The following COL24A1 variants were observed in gnomAD, a reference collection of about 807,000 sequenced individuals.
COL24A1 encodes the protein collagen alpha-1(XXIV) chain.
COL24A1 carries 224 observed loss-of-function variants against 253.9 expected under a neutral mutation model. The ratio of observed to expected loss-of-function variants is 0.88; its 90% CI spans 0.79 to 0.99. COL24A1 has a LOEUF of 0.99. COL24A1 is among the 50% of genes least tolerant of loss of function. The pLI is 0.00. For missense variants in COL24A1, 2,131 were observed against 2,068.5 expected, an observed-to-expected ratio of 1.03 and a Z score of -0.59; for synonymous variants, 685 against 673.7, an observed-to-expected ratio of 1.02 and a Z score of -0.26.
rs534720490 is a variant in COL24A1, at chr1:85,851,820, A to C, written c.3301-2414T>G. On this transcript the variant is annotated intron_variant, in intron 37 of 59. Coordinates refer to ENST00000370571, the MANE Select transcript of COL24A1 (RefSeq NM_152890.7). ...TTTTATACATACTTATATTTTGTTC[A>C]TTCCATATATCACAAATCTCTTCTC... 3.9e-5 allele frequency among the ~76,000 whole-genome samples: 6 copies of C among 152,232 alleles called. No homozygotes were observed. The South Asian group carries it at 1.2e-3, about 32-fold the overall frequency.
At chr1:85,836,380 T>C (rs550574949) in intron 43 of COL24A1, among the ~76,000 whole-genome samples, 73 of 152,344 alleles carry the variant, frequency 4.8e-4, no homozygotes, top group African/African-American at 1.6e-3. Context: ...ATGGTTAAAA[T>C]GGTAAATTTT....
At position 85,896,025 on chromosome 1, in the gene COL24A1, A is replaced by C; in HGVS notation, c.2873T>G (p.Leu958Arg). The C allele has an allele frequency of 1.2e-6, 2 of 1,611,100 alleles. No individual in the cohort carries two copies. The highest frequency in any genetic ancestry group is 1.7e-6 in the Non-Finnish European group (2 of 1,179,212). Reference protein sequence around the residue: ...GDQGKRGPHGLIGKTGNPGER... With the variant: ...GDQGKRGPHGRIGKTGNPGER... ...GTGAAATGTTTTATTACTTACAATA[A>C]GACCATGAGGCCCTCTTTTTCCTTG... Residue 958 changes from leucine to arginine, a missense_variant, in exon 30 of 60, where the codon CTT (leucine) becomes CGT (arginine). Leu to Arg is a moderately radical substitution (Grantham distance 102). Coordinates refer to ENST00000370571, the MANE Select transcript of COL24A1 (RefSeq NM_152890.7).
intron 56 of COL24A1, 65 bp from the exon 57 acceptor site, chr1:85,744,899 G>T: frequency 1.6e-6 from 2 of 1,236,456 alleles, no homozygotes; most frequent in South Asian, 1.4e-5. Context: ...GGCCAAGGCA[G>T]GAGAAGAATG....
At chr1:86,097,485 TCC>T (rs1704015423) in intron 5 of COL24A1, among the ~76,000 whole-genome samples, 1 of 39,820 alleles carries the variant, frequency 2.5e-5, no homozygotes. Context: ...TCCCTCCTCC[TCC>T]TCCCTCCTCC....
chr1:85,788,257 A>AT (rs1037303999), intron 47 of COL24A1, among the ~76,000 whole-genome samples: 9 of 151,930 alleles, frequency 5.9e-5, no homozygotes, highest in South Asian at 4.2e-4. Flanking sequence ...CATCCAGCTA[A>AT]TTTTTTTGTA....
intron 18 of COL24A1, among the ~76,000 whole-genome samples, chr1:86,018,847 C>G (rs1226282308): frequency 2.0e-5 from 3 of 151,968 alleles, no homozygotes; most frequent in Non-Finnish European, 2.9e-5. Context: ...TACGAACAAC[C>G]TCAGAGTGGT....
intron 43 of COL24A1, among the ~76,000 whole-genome samples, chr1:85,836,270 C>A (rs895196585): frequency 6.6e-6 from 1 of 152,030 alleles, no homozygotes; most frequent in African/African-American, 2.4e-5. Flanking sequence ...TTACCAAGTC[C>A]CCAGCCAAGA....
chr1:85,996,496 C>CGAAACCCCGTCTCTGCTA (rs1553253949), intron 19 of COL24A1, among the ~76,000 whole-genome samples: 31 of 150,550 alleles, frequency 2.1e-4, no homozygotes, highest in South Asian at 4.3e-4. Flanking sequence ...ACCAACATGG[C>CGAAACCCCGTCTCTGCTA]ATGGTGGTGG....
At chr1:86,032,949 A>G (rs1698696463) in intron 13 of COL24A1, among the ~76,000 whole-genome samples, 1 of 152,132 alleles carries the variant, frequency 6.6e-6, no homozygotes, top group Non-Finnish European at 1.5e-5. Context: ...AATAATGTCT[A>G]CTTTATTATG....
At chr1:85,878,490 T>G (rs1296994184) in intron 32 of COL24A1, among the ~76,000 whole-genome samples, 1 of 152,206 alleles carries the variant, frequency 6.6e-6, no homozygotes, top group East Asian at 1.9e-4. Flanking sequence ...ACATATTGGT[T>G]CATATTGGTT....
chr1:86,088,210 A>G (rs1231326650), intron 7 of COL24A1, among the ~76,000 whole-genome samples: 2 of 152,170 alleles, frequency 1.3e-5, no homozygotes, highest in African/African-American at 2.4e-5. Flanking sequence ...CAACCTGCCC[A>G]AAGTTGATGG....
At chr1:86,044,671 T>A (rs1699766489) in intron 12 of COL24A1, among the ~76,000 whole-genome samples, 1 of 152,306 alleles carries the variant, frequency 6.6e-6, no homozygotes, top group East Asian at 1.9e-4. Context: ...ACTCCTTTTT[T>A]AAATTCAATA....
chr1:85,730,928 C>A (rs559617551), intron 59 of COL24A1, among the ~76,000 whole-genome samples: 2 of 152,192 alleles, frequency 1.3e-5, no homozygotes, highest in Non-Finnish European at 2.9e-5. Flanking sequence ...GAGGCTAAGG[C>A]CAGGCTTCTG....
intron 24 of COL24A1, among the ~76,000 whole-genome samples, chr1:85,945,019 T>TTTTTTTTTTTTTTTTTTTTTTTTG (rs1553237048): frequency 6.8e-5 from 5 of 73,390 alleles, no homozygotes; most frequent in Non-Finnish European, 1.1e-4. Context: ...TTTTTTTTTT[T>TTTTTTTTTTTTTTTTTTTTTTTTG]TTTTTTTTTT....
intron 19 of COL24A1, among the ~76,000 whole-genome samples, chr1:85,992,740 A>G (rs1694408811): frequency 6.6e-6 from 1 of 152,224 alleles, no homozygotes; most frequent in Non-Finnish European, 1.5e-5. Context: ...AATAATTTAG[A>G]AAACATTAAT....
intron 47 of COL24A1, among the ~76,000 whole-genome samples, chr1:85,807,788 T>G (rs1329191353): frequency 2.0e-5 from 3 of 152,160 alleles, no homozygotes; most frequent in Non-Finnish European, 2.9e-5. Context: ...CTAAGTATTC[T>G]TGAGAGAGAC....
chr1:85,935,768 T>C (rs61785119), intron 24 of COL24A1, among the ~76,000 whole-genome samples: 32,111 of 146,678 alleles, frequency 0.22, 6,777 homozygotes, highest in East Asian at 0.3. Context: ...GTATCCCTTA[T>C]GCCTACTGCC....
intron 16 of COL24A1, 111 bp from the exon 17 acceptor site, chr1:86,022,702 G>A: frequency 7.7e-7 from 1 of 1,306,902 alleles, no homozygotes; most frequent in African/African-American, 1.5e-5. Context: ...TCTTACTTCT[G>A]AGGAAAACTA....
At chr1:85,861,906 A>T (rs1013278692) in intron 37 of COL24A1, among the ~76,000 whole-genome samples, 1 of 152,062 alleles carries the variant, frequency 6.6e-6, no homozygotes, top group African/African-American at 2.4e-5. Context: ...TTCTAAAAAT[A>T]CTCAGCTCAT....
Sources: gnomAD v4.1 joint callset for allele counts (sites outside exome capture counted in the v4.1 genomes callset) on GRCh38, gnomAD v4.1.1 for gene constraint, MANE v1.5 for transcripts, NCBI Gene and HGNC (gene_info 2026-07-23, HGNC 2026-07-21) for gene names.